ESS2: variants seen among roughly 807,000 people sequenced by gnomAD.
The protein encoded by ESS2 is splicing factor ESS-2 homolog.
In ESS2, 31 loss-of-function variants were observed where a neutral mutation model predicts 52.0. That is an observed-to-expected ratio of 0.60 (90% CI 0.45 to 0.81). The LOEUF is 0.81. Ranked by LOEUF, ESS2 falls within the 30% of genes least tolerant of loss-of-function variation. The pLI, the probability that ESS2 is intolerant of heterozygous loss-of-function variation, is 0.00. For missense variants in ESS2, 602 were observed against 637.2 expected (o/e 0.94, Z 0.59); for synonymous variants, 285 against 259.2 (o/e 1.10, Z -0.95).
intron 6 of ESS2, 188 bp from the exon 7 acceptor site, chr22:19,138,505 G>A (rs977887185): frequency 8.4e-6 from 6 of 713,714 alleles, no homozygotes; most frequent in East Asian, 5.4e-5. Context: ...AAAAGACCTT[G>A]AGGGCCTGTC....
rs745829152 is a variant in ESS2 at position 19,142,762 on chromosome 22, C to T, written c.268G>A (p.Ala90Thr). 5.1e-5 allele frequency: 82 copies of T among 1,614,052 alleles called. No individual in the cohort carries two copies. Among genetic ancestry groups the T allele is most frequent in the Admixed American group, 1.3e-4 (8 of 60,010 alleles). The change falls in exon 2 of 10, where the codon GCC becomes ACC. Residue 90 changes from alanine to threonine, a missense_variant. Ala to Thr is a moderately conservative substitution (Grantham distance 58). Coordinates refer to ENST00000252137, the MANE Select transcript of ESS2 (RefSeq NM_022719.3). ...GGCTCCCGGGACATCTTGCCCAAGGCAGAGCCAAACTTGATGGCAATCTGG... is the reference window on the plus strand; with the variant it reads ...GGCTCCCGGGACATCTTGCCCAAGGTAGAGCCAAACTTGATGGCAATCTGG... Reference protein sequence around the residue: ...MRQIAIKFGSALGKMSREPPP... With the variant: ...MRQIAIKFGSTLGKMSREPPP...
At position 19,131,339 on chromosome 22, in the gene ESS2, G is replaced by A. The variant is rs1375241658; in HGVS notation, c.*2857C>T. The A allele has an allele frequency of 6.9e-7, 1 of 1,453,332 alleles. No homozygotes were observed. The highest frequency in any genetic ancestry group is 1.4e-5 in the African/African-American group (1 of 70,650). 90.0% of individuals were successfully genotyped at this position (1,453,332 alleles called of 1,614,324 possible). A position where few individuals can be genotyped will look rare whatever the true frequency, so the allele number is the denominator to read the frequency against. On this transcript the variant is annotated 3_prime_UTR_variant, in exon 10 of 10. Coordinates refer to ENST00000252137, the MANE Select transcript of ESS2 (RefSeq NM_022719.3). The surrounding 1 kb of genome is among the most constrained non-coding windows in gnomAD (Gnocchi z 5.7). ...CTCCGGTAGTGTAAATGAGGACAAT[G>A]CCTGCTGGCCCACATGACGGGGGGA... is the stretch of plus-strand genomic sequence containing the variant.
chr22:19,141,466 CCG>C (rs2083684841), intron 3 of ESS2, among the ~76,000 whole-genome samples: 1 of 152,208 alleles, frequency 6.6e-6, no homozygotes, highest in Non-Finnish European at 1.5e-5. Context: ...CTTTCCTAAA[CCG>C]ACTCCCCCAT....
intron 1 of ESS2, 21 bp downstream of exon 1, chr22:19,144,485 G>A (rs200727468): frequency 1.2e-6 from 2 of 1,611,372 alleles, no homozygotes; most frequent in Non-Finnish European, 1.7e-6. Flanking sequence ...GAAGTCGCCG[G>A]CGTCCGCACC....
chr22:19,133,493 G>C lies in ESS2; in HGVS notation c.*703C>G, dbSNP rs2083529988. ...CATAAGATGGGCAGTGCCTATAGCA[G>C]AGGGGTGAGTGGGATAGTCCCACCC... On this transcript the variant is annotated 3_prime_UTR_variant, in exon 10 of 10. Coordinates refer to ENST00000252137, the MANE Select transcript of ESS2 (RefSeq NM_022719.3). 6.6e-6 allele frequency: 1 copy of C among 152,466 alleles called. No homozygotes were observed. Among genetic ancestry groups the C allele is most frequent in the African/African-American group, 2.4e-5 (1 of 41,450 alleles). 9.4% of individuals were successfully genotyped at this position (152,466 alleles called of 1,614,324 possible).
Position 19,139,989 on chromosome 22 carries a change from GCAGCGGCTCCTTCTCCTCCTCCTCTC to G in ESS2, c.410_435del (p.Gly137AlafsTer13). On this transcript the variant is annotated frameshift_variant, in exon 4 of 10. Coordinates refer to ENST00000252137, the MANE Select transcript of ESS2 (RefSeq NM_022719.3). LOFTEE classifies it high-confidence loss of function. ...CGGCTCAGGAAGACATCTAGGCTGG[GCAGCGGCTCCTTCTCCTCCTCCTCTC>G]CAGCCTCTCCTGCTTAGGGGTTGCG... 2 of 1,613,926 alleles carry G rather than the reference GCAGCGGCTCCTTCTCCTCCTCCTCTC, an allele frequency of 1.2e-6. No homozygotes were observed. The highest frequency in any genetic ancestry group is 1.7e-6 in the Non-Finnish European group (2 of 1,180,004).
Position 19,131,696 on chromosome 22 carries a change from C to T in ESS2, c.*2500G>A, listed in dbSNP as rs776994811. The T allele has an allele frequency of 4.8e-5, 77 of 1,613,944 alleles. No individual in the cohort carries two copies. The East Asian group carries it at 1.2e-3, about 26-fold the overall frequency. On this transcript the variant is annotated 3_prime_UTR_variant, in exon 10 of 10. Coordinates refer to ENST00000252137, the MANE Select transcript of ESS2 (RefSeq NM_022719.3). The surrounding 1 kb of genome is among the most constrained non-coding windows in gnomAD (Gnocchi z 5.7). ...AGCTTGGCGTCCAGGGCGACCTCCTCGAGTTCATCAAGTGCCAGGGAGCCC... is the reference window on the plus strand; with the variant it reads ...AGCTTGGCGTCCAGGGCGACCTCCTTGAGTTCATCAAGTGCCAGGGAGCCC...
intron 6 of ESS2, among the ~76,000 whole-genome samples, 198 bp downstream of exon 6, chr22:19,138,961 C>T (rs996034452): frequency 6.6e-6 from 1 of 152,216 alleles, no homozygotes; most frequent in Non-Finnish European, 1.5e-5. Flanking sequence ...TCTGGACCTA[C>T]AGAACGTGTG....
At chr22:19,138,498 A>G (rs2083625471) in intron 6 of ESS2, 181 bp from the exon 7 acceptor site, 1 of 722,094 alleles carries the variant, frequency 1.4e-6, no homozygotes, top group Non-Finnish European at 2.5e-6. Flanking sequence ...ACCCCCCAAA[A>G]GACCTTGAGG....
At chr22:19,139,772 G>A in intron 4 of ESS2, 43 bp from the exon 5 acceptor site, 2 of 1,613,900 alleles carry the variant, frequency 1.2e-6, no homozygotes, top group East Asian at 2.2e-5. Flanking sequence ...GATGCCCCTG[G>A]GCATTGTACC....
Position 19,133,945 on chromosome 22 carries a change from A to T in ESS2, c.*251T>A. The T allele has an allele frequency of 2.6e-6, 1 of 387,330 alleles. No homozygotes were observed. The highest frequency in any genetic ancestry group is 4.5e-6 in the Non-Finnish European group (1 of 221,624). The allele number at this position is 387,330 out of a possible 1,614,324, so 24.0% of individuals were successfully genotyped here. A position where few individuals can be genotyped will look rare whatever the true frequency, so the allele number is the denominator to read the frequency against. On this transcript the variant is annotated 3_prime_UTR_variant, in exon 10 of 10. Transcript: ENST00000252137. ...AGAGGCAACCCCCCAGACTGTACCT[A>T]GGTGTTCTTTAATGACAGTTCAAGG...
chr22:19,137,265 CAG>C, intron 8 of ESS2, 56 bp downstream of exon 8: 1 of 1,311,164 alleles, frequency 7.6e-7, no homozygotes, highest in South Asian at 1.3e-5. Flanking sequence ...CACAGGCACT[CAG>C]GGCTCCAGAG....
intron 8 of ESS2, among the ~76,000 whole-genome samples, chr22:19,136,222 C>T (rs1408849635): frequency 2.0e-5 from 3 of 151,278 alleles, no homozygotes; most frequent in Non-Finnish European, 2.9e-5. Flanking sequence ...ATAAGCCGGG[C>T]GTGGTGGCAC....
At position 19,132,051 on chromosome 22, in the gene ESS2, G is replaced by A. The variant is rs550046968; in HGVS notation, c.*2145C>T. The A allele has an allele frequency of 4.3e-6, 7 of 1,613,996 alleles. No individual in the cohort carries two copies. Among genetic ancestry groups the A allele is most frequent in the East Asian group, 2.2e-5 (1 of 44,876 alleles). On this transcript the variant is annotated 3_prime_UTR_variant, in exon 10 of 10. Transcript: ENST00000252137. This position sits in a 1 kb window ranked among gnomAD's most constrained non-coding sequence, Gnocchi z 4.2. ...GGTCTGCGGCTCCATGCCCTATGAC[G>A]ACTCCGACATCAGGAAGATGCTGCG...
At position 19,139,866 on chromosome 22, in the gene ESS2, C is replaced by G; in HGVS notation, c.559G>C (p.Glu187Gln). ...GACCCCAGAGACACCTTCTCAAACTCTTCCTCAGCCTGGTAGAGCCAAGCG... is the reference window on the plus strand; with the variant it reads ...GACCCCAGAGACACCTTCTCAAACTGTTCCTCAGCCTGGTAGAGCCAAGCG... ...RHAWLYQAEE[E>Q]FEKRQKDNLE... Residue 187 changes from glutamate (E) to glutamine (Q), a missense_variant, in exon 4 of 10, where the codon GAG becomes CAG. By Grantham distance (29) the Glu-to-Gln change is conservative. Coordinates refer to ENST00000252137, the MANE Select transcript of ESS2 (RefSeq NM_022719.3). 1.9e-6 allele frequency: 3 copies of G among 1,614,176 alleles called. No individual in the cohort carries two copies. Among genetic ancestry groups the G allele is most frequent in the Non-Finnish European group, 2.5e-6 (3 of 1,180,016 alleles).
chr22:19,131,971 C>T lies in ESS2; in HGVS notation c.*2225G>A. ...GCCCCCGAGGTGCTGCAGAGCATCC[C>T]CTACCAGCCCAAGGTGTATGACATC... On this transcript the variant is annotated 3_prime_UTR_variant, in exon 10 of 10. Transcript: ENST00000252137. This position sits in a 1 kb window ranked among gnomAD's most constrained non-coding sequence, Gnocchi z 5.7. The T allele has an allele frequency of 6.2e-7, 1 of 1,614,178 alleles. No individual in the cohort carries two copies. Among genetic ancestry groups the T allele is most frequent in the Non-Finnish European group, 8.5e-7 (1 of 1,180,032 alleles).
At chr22:19,143,044 G>C (rs865969717) in intron 1 of ESS2, 150 bp from the exon 2 acceptor site, 12 of 751,196 alleles carry the variant, frequency 1.6e-5, no homozygotes, top group Middle Eastern at 3.8e-4. Flanking sequence ...GTCTCTACTA[G>C]AAATACAAAA....
Position 19,130,778 on chromosome 22 carries a change from G to T in ESS2, c.*3418C>A. ...TTTCATTTCTAGCTTTGATGTCTGG[G>T]CACTGATTTCCCTAGATTTAACTAT... On this transcript the variant is annotated 3_prime_UTR_variant, in exon 10 of 10. Coordinates refer to ENST00000252137, the MANE Select transcript of ESS2 (RefSeq NM_022719.3). 4.7e-6 allele frequency: 1 copy of T among 214,438 alleles called. No individual in the cohort carries two copies. Among genetic ancestry groups the T allele is most frequent in the Non-Finnish European group, 9.3e-6 (1 of 107,208 alleles). 13.3% of individuals were successfully genotyped at this position (214,438 alleles called of 1,614,324 possible).
In ESS2 at chr22:19,132,032, C is replaced by T. The variant is rs45604134; in HGVS notation, c.*2164G>A. On this transcript the variant is annotated 3_prime_UTR_variant, in exon 10 of 10. Transcript: ENST00000252137. The surrounding 1 kb of genome is among the most constrained non-coding windows in gnomAD (Gnocchi z 4.2). Reference sequence around the variant, plus strand: ...GCGTGATCCTGTACATCATGGTCTGCGGCTCCATGCCCTATGACGACTCCG... The same window carrying T: ...GCGTGATCCTGTACATCATGGTCTGTGGCTCCATGCCCTATGACGACTCCG... 280,109 of 1,613,888 alleles carry T rather than the reference C, an allele frequency of 0.17. 25,605 individuals carry two copies. Among genetic ancestry groups the T allele is most frequent in the South Asian group, 0.27 (24,644 of 91,072 alleles).
Sources: gnomAD v4.1 joint callset for allele counts (sites outside exome capture counted in the v4.1 genomes callset) on GRCh38, gnomAD v4.1.1 for gene constraint, Gnocchi (gnomAD v3.1) non-coding constraint, MANE v1.5 for transcripts, NCBI Gene and HGNC (gene_info 2026-07-23, HGNC 2026-07-21) for gene names.